BBOF1: variants seen among roughly 807,000 people sequenced by gnomAD.
BBOF1 encodes the protein basal body-orientation factor 1.
A neutral mutation model predicts 68.0 loss-of-function variants in BBOF1; 62 were observed. The ratio of observed to expected loss-of-function variants is 0.91; its 90% CI spans 0.74 to 1.13. The LOEUF (loss-of-function observed/expected upper bound fraction) is 1.13, where lower values mean the gene tolerates loss of function less well. Among genes scored for constraint, BBOF1 ranks in the 50% most tolerant of loss-of-function variants. BBOF1 has a pLI of 0.00. For synonymous variants in BBOF1, 208 were observed against 198.8 expected, an observed-to-expected ratio of 1.05 and a Z score of -0.39; for missense variants, 534 against 600.1, an observed-to-expected ratio of 0.89 and a Z score of 1.15.
At chr14:74,038,627 G>A (rs1484512632) in intron 4 of BBOF1, among the ~76,000 whole-genome samples, 1 of 152,172 alleles carries the variant, frequency 6.6e-6, no homozygotes, top group East Asian at 1.9e-4. Context: ...ATTATACTGT[G>A]TATGTAGAAT....
intron 8 of BBOF1, among the ~76,000 whole-genome samples, chr14:74,053,823 T>C (rs1309595071): frequency 6.6e-6 from 1 of 152,042 alleles, no homozygotes; most frequent in African/African-American, 2.4e-5. Context: ...GCGATTCTCC[T>C]GCCTCAGCCT....
At chr14:74,047,886 T>C (rs373514592) in intron 6 of BBOF1, 44 bp from the exon 7 acceptor site, 233 of 1,533,828 alleles carry the variant, frequency 1.5e-4, no homozygotes, top group Non-Finnish European at 1.9e-4. Context: ...TTTGGCGATA[T>C]CTAAAAGTTA....
At chr14:74,051,196 A>ATCCT (rs2060060937) in intron 8 of BBOF1, among the ~76,000 whole-genome samples, 1 of 151,618 alleles carries the variant, frequency 6.6e-6, no homozygotes, top group Non-Finnish European at 1.5e-5. Flanking sequence ...ATGAGCCAAG[A>ATCCT]TCACGCCATT....
At chr14:74,082,198 C>T (rs1031177492) in intron 12 of BBOF1, among the ~76,000 whole-genome samples, 20 of 152,094 alleles carry the variant, frequency 1.3e-4, no homozygotes, top group African/African-American at 4.6e-4. Flanking sequence ...GAGCGAGACC[C>T]TGTCTCGAAC....
chr14:74,042,883 C>G (rs1275489029), intron 5 of BBOF1, among the ~76,000 whole-genome samples: 8 of 110,546 alleles, frequency 7.2e-5, no homozygotes, highest in East Asian at 6.0e-4. Context: ...CACACAGACA[C>G]ACACACACAC....
At chr14:74,020,040 G>A (rs142904774) in intron 1 of BBOF1, among the ~76,000 whole-genome samples, 4 of 152,292 alleles carry the variant, frequency 2.6e-5, no homozygotes, top group Non-Finnish European at 5.9e-5. Context: ...TAACTTAAGA[G>A]AGTAATTCAT....
At chr14:74,068,773 G>C, downstream of BBOF1, 6 of 1,463,454 alleles carry the variant, frequency 4.1e-6, no homozygotes, top group Non-Finnish European at 5.7e-6. Context: ...ATTGGAGTGG[G>C]ATGAGTGGCC....
chr14:74,034,015 T>G lies in BBOF1; in HGVS notation c.352-13T>G, dbSNP rs370276747. The stretch of plus-strand genomic sequence containing the variant: ...TCTTTTTCCTAACTCGTTTACCTCT[T>G]TTTTGAATACAGGAACAAAAGTATA... On this transcript the variant is annotated splice_polypyrimidine_tract_variant and intron_variant, in intron 3 of 11. Coordinates refer to ENST00000394009, the MANE Select transcript of BBOF1 (RefSeq NM_025057.3). 1.6e-5 allele frequency: 25 copies of G among 1,578,810 alleles called. No individual in the cohort carries two copies. The highest frequency in any genetic ancestry group is 2.1e-5 in the Non-Finnish European group (24 of 1,167,190).
chr14:74,080,298 C>A (rs1235200203), intron 10 of BBOF1, among the ~76,000 whole-genome samples: 1 of 151,966 alleles, frequency 6.6e-6, no homozygotes, highest in Non-Finnish European at 1.5e-5. Flanking sequence ...TCTATACCAT[C>A]ATTGTCTCTC....
At chr14:74,075,007 T>C in intron 9 of BBOF1, 2 of 1,614,024 alleles carry the variant, frequency 1.2e-6, no homozygotes, top group Non-Finnish European at 1.7e-6. Flanking sequence ...GGATTTCACC[T>C]TGGAAGAAAC....
chr14:74,038,830 A>T (rs1485293376), intron 4 of BBOF1, among the ~76,000 whole-genome samples: 2 of 152,038 alleles, frequency 1.3e-5, no homozygotes, highest in Non-Finnish European at 2.9e-5. Context: ...GTGGCAGAAC[A>T]CCATCTCTAC....
At chr14:74,043,445 G>C (rs1040085435) in intron 5 of BBOF1, among the ~76,000 whole-genome samples, 2 of 148,720 alleles carry the variant, frequency 1.3e-5, no homozygotes, top group Non-Finnish European at 3.0e-5. Flanking sequence ...AGCTACTCGG[G>C]AGGCTGAGGC....
intron 5 of BBOF1, among the ~76,000 whole-genome samples, chr14:74,043,909 G>A (rs66781959): frequency 0.11 from 16,949 of 151,738 alleles, 1,240 homozygotes; most frequent in Admixed American, 0.19. Flanking sequence ...TTCTTATTTA[G>A]AGCTCAGATA....
chr14:74,055,506 A>T lies in BBOF1; in HGVS notation c.1287-78A>T, dbSNP rs567559797. 3 of 911,334 alleles carry T rather than the reference A, an allele frequency of 3.3e-6. No homozygotes were observed. In the South Asian group the frequency reaches 4.3e-5, roughly 13 times the overall value. The allele number at this position is 911,334 out of a possible 1,614,324, so 56.5% of individuals were successfully genotyped here. ...GGAATTTATCCTATGTTTACCCATT[A>T]TATATTTTTTAAAAAGAAGAGAAGC... On this transcript the variant is annotated intron_variant, in intron 8 of 11. Coordinates refer to ENST00000394009, the MANE Select transcript of BBOF1 (RefSeq NM_025057.3).
chr14:74,062,051 GAAAAAAAAAAAAAAA>G (rs369414700), intron 11 of BBOF1, among the ~76,000 whole-genome samples: 51 of 59,622 alleles, frequency 8.6e-4, no homozygotes, highest in African/African-American at 2.2e-3. Flanking sequence ...TCTCTACTGG[GAAAAAAAAAAAAAAA>G]AAAAAAAAAA....
intron 2 of BBOF1, among the ~76,000 whole-genome samples, chr14:74,026,820 G>A (rs551715823): frequency 1.3e-5 from 2 of 151,950 alleles, no homozygotes; most frequent in East Asian, 3.9e-4. Context: ...AGCTACTCAG[G>A]AAGCTGAGAC....
chr14:74,021,481 T>C (rs1265492000), intron 1 of BBOF1, among the ~76,000 whole-genome samples: 1 of 151,978 alleles, frequency 6.6e-6, no homozygotes, highest in African/African-American at 2.4e-5. Context: ...TCACAGTTAC[T>C]TAGGAGGCTG....
chr14:74,049,788 A>G lies in BBOF1; in HGVS notation c.879A>G (p.Val293=), dbSNP rs757976544. Residue 293 remains valine, a synonymous_variant, in exon 8 of 12, where the codon GTA becomes GTG. Transcript: ENST00000394009. The part of the protein sequence containing the change: ...SQIQTLQKKV[V]NLETALSYMT... ...TCCAAACCCTTCAGAAGAAGGTAGTAAACTTGGAGACTGCTCTGAGTTACA... is the reference window on the plus strand; with the variant it reads ...TCCAAACCCTTCAGAAGAAGGTAGTGAACTTGGAGACTGCTCTGAGTTACA... 3 of 1,614,194 alleles carry G rather than the reference A, an allele frequency of 1.9e-6. No homozygotes were observed. The South Asian group carries it at 3.3e-5, about 18-fold the overall frequency.
chr14:74,062,062 A>G (rs2060356308), intron 11 of BBOF1, among the ~76,000 whole-genome samples: 2 of 135,944 alleles, frequency 1.5e-5, no homozygotes, highest in Non-Finnish European at 3.1e-5. Flanking sequence ...AAAAAAAAAA[A>G]AAAAAAAAAA....
Sources: gnomAD v4.1 joint callset for allele counts (sites outside exome capture counted in the v4.1 genomes callset) on GRCh38, gnomAD v4.1.1 for gene constraint, MANE v1.5 for transcripts, NCBI Gene and HGNC (gene_info 2026-07-23, HGNC 2026-07-21) for gene names.